The following DGKD variants were observed in gnomAD, a reference collection of about 807,000 sequenced individuals.
DGKD encodes the protein DAG kinase delta.
A neutral mutation model predicts 154.4 loss-of-function variants in DGKD; 68 were observed. The observed-to-expected ratio is 0.44, with a 90% CI of 0.36 to 0.54. The LOEUF (loss-of-function observed/expected upper bound fraction) is 0.54, where lower values mean the gene tolerates loss of function less well. Ranked by LOEUF, DGKD falls within the 20% of genes least tolerant of loss-of-function variation. The pLI is 0.00. For synonymous variants in DGKD, 693 were observed against 638.0 expected (o/e 1.09, Z -1.30); for missense variants, 1,343 against 1,593.6 (o/e 0.84, Z 2.68).
chr2:233,465,292 C>G (rs2063790757), intron 27 of DGKD, among the ~76,000 whole-genome samples: 1 of 152,142 alleles, frequency 6.6e-6, no homozygotes, highest in Admixed American at 6.5e-5. Flanking sequence ...TGACATAGCC[C>G]TATAATACCA....
rs1473429537 is a variant in DGKD at position 233,438,947 on chromosome 2, G to A, written c.1085+568G>A. The stretch of plus-strand genomic sequence containing the variant: ...GGAGGCCGCTCGGTGTGCAGGTGCT[G>A]CAAGGCAGGAACACGTAAGGGCGGC... On this transcript the variant is annotated intron_variant, in intron 9 of 29. Coordinates refer to ENST00000264057, the MANE Select transcript of DGKD (RefSeq NM_152879.3). The surrounding 1 kb of genome is among the most constrained non-coding windows in gnomAD (Gnocchi z 4.1). Among the ~76,000 whole-genome samples, 1 of 152,248 alleles carries A rather than the reference G, an allele frequency of 6.6e-6. No individual in the cohort carries two copies. The highest frequency in any genetic ancestry group is 2.4e-5 in the African/African-American group (1 of 41,462).
At chr2:233,424,362 G>A (rs1359068106) in intron 3 of DGKD, among the ~76,000 whole-genome samples, 1 of 152,190 alleles carries the variant, frequency 6.6e-6, no homozygotes, top group Non-Finnish European at 1.5e-5. Flanking sequence ...TCAGTGAACT[G>A]CCTTTGTCAT....
Position 233,459,715 on chromosome 2 carries a change from G to A in DGKD, c.2695-42G>A. On this transcript the variant is annotated intron_variant, in intron 22 of 29. Transcript: ENST00000264057. This position sits in a 1 kb window ranked among gnomAD's most constrained non-coding sequence, Gnocchi z 5.7. ...CTGATAGCACTTTTAAACCCCTGGG[G>A]GTTTTGGCTCAGCATGAGTAATGGC... 1 of 1,602,972 alleles carries A rather than the reference G, an allele frequency of 6.2e-7. No individual in the cohort carries two copies. The highest frequency in any genetic ancestry group is 8.5e-7 in the Non-Finnish European group (1 of 1,173,566).
intron 1 of DGKD, among the ~76,000 whole-genome samples, chr2:233,367,858 T>C (rs200357132): frequency 3.2e-5 from 4 of 125,964 alleles, no homozygotes; most frequent in Non-Finnish European, 3.4e-5. Flanking sequence ...TTTCTTTTTT[T>C]TTTTTTTTTT....
chr2:233,415,100 C>T (rs1193207315), intron 3 of DGKD, among the ~76,000 whole-genome samples: 2 of 152,166 alleles, frequency 1.3e-5, no homozygotes, highest in African/African-American at 4.8e-5. Flanking sequence ...TGGACTCTGT[C>T]CCTGCTGGCC....
rs150433975 is a variant in DGKD, at chr2:233,376,026, C to T, written c.157-12231C>T. On this transcript the variant is annotated intron_variant, in intron 1 of 29. Transcript: ENST00000264057. ...AACAGAGTGATTTCATTCCACAGCT[C>T]GATAGGGAGATGGATTTTGTTCTGT... Among the ~76,000 whole-genome samples, 499 of 152,214 alleles carry T rather than the reference C, an allele frequency of 3.3e-3. 3 individuals are homozygous for T. Among genetic ancestry groups the T allele is most frequent in the African/African-American group, 0.011 (470 of 41,530 alleles).
chr2:233,357,577 A>G (rs1574968441), intron 1 of DGKD, among the ~76,000 whole-genome samples: 1 of 135,912 alleles, frequency 7.4e-6, no homozygotes, highest in South Asian at 2.2e-4. Flanking sequence ...TCACTTTGTC[A>G]CCCAGGCTGG....
At position 233,452,027 on chromosome 2, in the gene DGKD, A is replaced by G. The variant is rs2063311337; in HGVS notation, c.2231A>G (p.Asn744Ser). Reference protein sequence around the residue: ...GGSVISRLLINADPFNSEPET... With the variant: ...GGSVISRLLISADPFNSEPET... ...TCAGTCATCAGTCGCCTGTTAATTA[A>G]TGCTGATCCCTTCAACTCTGAACCA... Residue 744 changes from asparagine (N) to serine (S), a missense_variant, in exon 18 of 30, where the codon AAT (asparagine) becomes AGT (serine). Coordinates refer to ENST00000264057, the MANE Select transcript of DGKD (RefSeq NM_152879.3). This position sits in a 1 kb window ranked among gnomAD's most constrained non-coding sequence, Gnocchi z 4.0. The G allele has an allele frequency of 6.2e-7, 1 of 1,614,078 alleles. No homozygotes were observed. The highest frequency in any genetic ancestry group is 8.5e-7 in the Non-Finnish European group (1 of 1,179,976).
intron 10 of DGKD, among the ~76,000 whole-genome samples, chr2:233,444,047 A>C (rs1575133140): frequency 6.6e-6 from 1 of 151,996 alleles, no homozygotes; most frequent in African/African-American, 2.4e-5. Flanking sequence ...TTGAACGCTC[A>C]GCGACTTGCA....
intron 3 of DGKD, among the ~76,000 whole-genome samples, chr2:233,427,238 C>A (rs539707913): frequency 3.3e-5 from 5 of 151,986 alleles, no homozygotes; most frequent in Admixed American, 2.6e-4. Flanking sequence ...ACCTCTGATG[C>A]AGTTCTGCTC....
chr2:233,463,353 T>A (rs944711324), intron 26 of DGKD, among the ~76,000 whole-genome samples: 1 of 113,300 alleles, frequency 8.8e-6, no homozygotes, highest in Admixed American at 8.9e-5. Context: ...CGCATCTCAC[T>A]CCACACATCA....
intron 3 of DGKD, chr2:233,419,191 CAG>C (rs2062040193): frequency 4.1e-6 from 4 of 982,006 alleles, no homozygotes; most frequent in African/African-American, 1.8e-5. Flanking sequence ...CTATATTTAG[CAG>C]AGTGTTTCCG....
intron 10 of DGKD, among the ~76,000 whole-genome samples, chr2:233,444,072 GTCTC>G (rs940215150): frequency 6.6e-6 from 1 of 152,034 alleles, no homozygotes. Flanking sequence ...TTCTGCTGTC[GTCTC>G]TCTCCTGGGG....
Position 233,354,517 on chromosome 2 carries a change from G to A in DGKD, c.-2G>A. On this transcript the variant is annotated 5_prime_UTR_variant, in exon 1 of 30. Transcript: ENST00000264057. The surrounding 1 kb of genome is among the most constrained non-coding windows in gnomAD (Gnocchi z 4.8). ...CCGCGGTGCGCGCGCTGGCCCGGCA[G>A]CATGGCGGCGGCGGCGGGCGCCCCT... is the stretch of plus-strand genomic sequence containing the variant. 2 of 985,680 alleles carry A rather than the reference G, an allele frequency of 2.0e-6. No individual in the cohort carries two copies. Among genetic ancestry groups the A allele is most frequent in the African/African-American group, 1.8e-5 (1 of 56,432 alleles). 61.1% of individuals were successfully genotyped at this position (985,680 alleles called of 1,614,324 possible).
chr2:233,354,736 GC>G lies in DGKD; in HGVS notation c.156+65del. ...TCACGCCGCGGCAGCCCCGGCCGAGGCCCGTGGCCCTGCCCGAGCGGCCGCC... is the reference window on the plus strand; with the variant it reads ...TCACGCCGCGGCAGCCCCGGCCGAGGCCGTGGCCCTGCCCGAGCGGCCGCC... On this transcript the variant is annotated intron_variant, in intron 1 of 29. Transcript: ENST00000264057. This position sits in a 1 kb window ranked among gnomAD's most constrained non-coding sequence, Gnocchi z 4.8. 2 of 947,408 alleles carry G rather than the reference GC, an allele frequency of 2.1e-6. No individual in the cohort carries two copies. Among genetic ancestry groups the G allele is most frequent in the African/African-American group, 3.6e-5 (2 of 55,620 alleles). 58.7% of individuals were successfully genotyped at this position (947,408 alleles called of 1,614,324 possible).
intron 3 of DGKD, chr2:233,419,309 T>C: frequency 1.0e-6 from 1 of 985,540 alleles, no homozygotes; most frequent in Non-Finnish European, 1.2e-6. Flanking sequence ...TACTTCGTAA[T>C]CTGTAGGCTC....
rs1313198283 is a variant in DGKD, at chr2:233,458,654, C to T, written c.2694+257C>T. Among the ~76,000 whole-genome samples, 3 of 151,256 alleles carry T rather than the reference C, an allele frequency of 2.0e-5. No homozygotes were observed. Among genetic ancestry groups the T allele is most frequent in the African/African-American group, 7.3e-5 (3 of 40,994 alleles). On this transcript the variant is annotated intron_variant, in intron 22 of 29. Coordinates refer to ENST00000264057, the MANE Select transcript of DGKD (RefSeq NM_152879.3). The surrounding 1 kb of genome is among the most constrained non-coding windows in gnomAD (Gnocchi z 6.6). Reference sequence around the variant, plus strand: ...TGAGACAGAGTCTTGCTCTGTTGCCCAGGCTGGAGTGCAGTGGTGCAATCT... The same window carrying T: ...TGAGACAGAGTCTTGCTCTGTTGCCTAGGCTGGAGTGCAGTGGTGCAATCT...
chr2:233,424,518 G>A (rs1042146247), intron 3 of DGKD, among the ~76,000 whole-genome samples: 6 of 152,196 alleles, frequency 3.9e-5, no homozygotes, highest in African/African-American at 9.6e-5. Context: ...CTGCCAAAAC[G>A]GAAATGAAAT....
At chr2:233,360,392 A>C (rs900727625) in intron 1 of DGKD, among the ~76,000 whole-genome samples, 4 of 152,090 alleles carry the variant, frequency 2.6e-5, no homozygotes, top group African/African-American at 9.7e-5. Flanking sequence ...CTGGGACTCC[A>C]GATGCATTCC....
Sources: gnomAD v4.1 joint callset for allele counts (sites outside exome capture counted in the v4.1 genomes callset) on GRCh38, gnomAD v4.1.1 for gene constraint, Gnocchi (gnomAD v3.1) non-coding constraint, MANE v1.5 for transcripts, NCBI Gene and HGNC (gene_info 2026-07-23, HGNC 2026-07-21) for gene names.